Variants in FAM3C observed in about 807,000 individuals in gnomAD.
FAM3C encodes FAM3 metabolism regulating signaling molecule C, also known as protein FAM3C.
In FAM3C, 15 loss-of-function variants were observed where a neutral mutation model predicts 32.5. The ratio of observed to expected loss-of-function variants is 0.46; its 90% CI spans 0.31 to 0.71. FAM3C has a LOEUF of 0.71. FAM3C is among the 30% of genes least tolerant of loss of function. The pLI is 0.05. For synonymous variants in FAM3C, 75 were observed against 86.1 expected (o/e 0.87, Z 0.72); for missense variants, 175 against 274.4 (o/e 0.64, Z 2.56).
At chr7:121,371,537 G>T (rs1307634958) in intron 4 of FAM3C, 114 bp from the exon 5 acceptor site, 2 of 1,108,990 alleles carry the variant, frequency 1.8e-6, no homozygotes, top group Non-Finnish European at 2.6e-6. Flanking sequence ...CAAGATACAC[G>T]TATCTTAAAA....
intron 1 of FAM3C, among the ~76,000 whole-genome samples, chr7:121,384,932 T>C (rs552200464): frequency 3.3e-5 from 5 of 152,152 alleles, no homozygotes; most frequent in Non-Finnish European, 5.9e-5. Context: ...TTCTAAATCA[T>C]TCCTATTTGT....
chr7:121,362,392 A>C (rs1793942975), intron 7 of FAM3C, among the ~76,000 whole-genome samples: 1 of 152,160 alleles, frequency 6.6e-6, no homozygotes, highest in Non-Finnish European at 1.5e-5. Flanking sequence ...CAGAGGGTAG[A>C]ACTGTGATGA....
At chr7:121,388,767 G>A (rs1173837655) in intron 1 of FAM3C, among the ~76,000 whole-genome samples, 1 of 152,042 alleles carries the variant, frequency 6.6e-6, no homozygotes, top group East Asian at 1.9e-4. Flanking sequence ...ATGTGGCTAA[G>A]AAACAGAAAT....
intron 8 of FAM3C, among the ~76,000 whole-genome samples, chr7:121,356,986 G>A (rs962036278): frequency 2.0e-5 from 3 of 152,150 alleles, no homozygotes; most frequent in African/African-American, 7.2e-5. Flanking sequence ...AGGAAAAGAT[G>A]TTTCTTTAGG....
chr7:121,394,894 C>CT (rs1165630558), intron 1 of FAM3C, among the ~76,000 whole-genome samples: 1 of 152,202 alleles, frequency 6.6e-6, no homozygotes, highest in Non-Finnish European at 1.5e-5. Flanking sequence ...TGCTGGTACT[C>CT]TGTAAGATAC....
chr7:121,376,167 T>C (rs932593323), intron 3 of FAM3C, among the ~76,000 whole-genome samples: 5 of 152,138 alleles, frequency 3.3e-5, no homozygotes, highest in Non-Finnish European at 7.4e-5. Flanking sequence ...TAAAGTAAAA[T>C]CTCACTATAC....
intron 1 of FAM3C, among the ~76,000 whole-genome samples, chr7:121,389,308 TA>T (rs1794531262): frequency 6.6e-6 from 1 of 152,220 alleles, no homozygotes; most frequent in Non-Finnish European, 1.5e-5. Flanking sequence ...AGAAATCTGG[TA>T]TTTAGTGGAT....
chr7:121,376,583 G>A (rs142105267), intron 3 of FAM3C, among the ~76,000 whole-genome samples: 1 of 152,258 alleles, frequency 6.6e-6, no homozygotes, highest in African/African-American at 2.4e-5. Flanking sequence ...CCGAAAATCT[G>A]AAATCTAAAA....
At chr7:121,371,158 A>G (rs1262063967) in intron 5 of FAM3C, 142 bp downstream of exon 5, 2 of 1,026,414 alleles carry the variant, frequency 1.9e-6, no homozygotes, top group Non-Finnish European at 2.8e-6. Flanking sequence ...AATTCATGAG[A>G]AAAAAACTAC....
intron 3 of FAM3C, among the ~76,000 whole-genome samples, chr7:121,376,443 G>GC (rs1290194590): frequency 6.6e-6 from 1 of 152,152 alleles, no homozygotes; most frequent in African/African-American, 2.4e-5. Context: ...AGTACAAAAG[G>GC]CAGAATTCAG....
chr7:121,352,764 G>T (rs1352421953), intron 8 of FAM3C, among the ~76,000 whole-genome samples: 1 of 152,196 alleles, frequency 6.6e-6, no homozygotes, highest in Non-Finnish European at 1.5e-5. Flanking sequence ...AGAGGGAAAT[G>T]CCCCAAAATT....
At chr7:121,389,205 T>C (rs574242748) in intron 1 of FAM3C, among the ~76,000 whole-genome samples, 37 of 152,224 alleles carry the variant, frequency 2.4e-4, no homozygotes, top group Non-Finnish European at 5.0e-4. Flanking sequence ...ACATAAGTAT[T>C]CCAACATGAT....
At chr7:121,373,301 C>T in intron 3 of FAM3C, among the ~76,000 whole-genome samples, 1 of 152,164 alleles carries the variant, frequency 6.6e-6, no homozygotes, top group East Asian at 1.9e-4. Context: ...CTTTTCTTTC[C>T]AGAAGAAAGC....
intron 1 of FAM3C, among the ~76,000 whole-genome samples, chr7:121,394,128 T>C (rs1288627069): frequency 1.3e-5 from 2 of 152,270 alleles, no homozygotes; most frequent in Non-Finnish European, 2.9e-5. Flanking sequence ...CCATGATATC[T>C]ACAATTACTG....
intron 3 of FAM3C, among the ~76,000 whole-genome samples, chr7:121,373,885 G>A (rs1028518783): frequency 4.0e-5 from 6 of 151,594 alleles, no homozygotes; most frequent in East Asian, 1.9e-4. Context: ...AAAATTAGCC[G>A]GGCGTGGTGG....
At chr7:121,374,657 C>T (rs1584701083) in intron 3 of FAM3C, among the ~76,000 whole-genome samples, 1 of 152,214 alleles carries the variant, frequency 6.6e-6, no homozygotes, top group Admixed American at 6.5e-5. Context: ...AAAATAAAAC[C>T]ACACAATTAA....
At position 121,371,308 on chromosome 7, in the gene FAM3C, T is replaced by C; in HGVS notation, c.264A>G (p.Glu88=). The C allele has an allele frequency of 1.2e-6, 2 of 1,613,026 alleles. No individual in the cohort carries two copies. Among genetic ancestry groups the C allele is most frequent in the Non-Finnish European group, 8.5e-7 (1 of 1,179,842 alleles). The change falls in exon 5 of 10, where the codon GAA becomes GAG. Residue 88 remains glutamate, a synonymous_variant. Transcript: ENST00000359943. ...AGTCAACAAAGACTTACACATTATC[T>C]TCCAGGCAGATTTTGGGTCCCACCA... ...ANVVGPKICL[E]DNVLMSGVKN... is the part of the protein sequence containing the mutation.
Position 121,350,282 on chromosome 7 carries a change from T to C in FAM3C, c.*179A>G. 1.7e-6 allele frequency: 1 copy of C among 586,990 alleles called. No homozygotes were observed. The highest frequency in any genetic ancestry group is 3.0e-6 in the Non-Finnish European group (1 of 334,850). The allele number at this position is 586,990 out of a possible 1,614,324, so 36.4% of individuals were successfully genotyped here. ...TTCAGTGATTTGATCATTGTGATGA[T>C]TATTTACAATGCTATCTATTTACGT... On this transcript the variant is annotated 3_prime_UTR_variant, in exon 10 of 10. Coordinates refer to ENST00000359943, the MANE Select transcript of FAM3C (RefSeq NM_014888.3).
Position 121,350,060 on chromosome 7 carries a change from T to C in FAM3C, c.*401A>G, listed in dbSNP as rs551577326. The stretch of plus-strand genomic sequence containing the variant: ...GATAATGTCATCACAACGCAACATA[T>C]AGAAACATAAAAGAAAATAAAGTAT... On this transcript the variant is annotated 3_prime_UTR_variant, in exon 10 of 10. Coordinates refer to ENST00000359943, the MANE Select transcript of FAM3C (RefSeq NM_014888.3). 2 of 183,236 alleles carry C rather than the reference T, an allele frequency of 1.1e-5. No individual in the cohort carries two copies. The highest frequency in any genetic ancestry group is 2.2e-5 in the Non-Finnish European group (2 of 91,544). The allele number at this position is 183,236 out of a possible 1,614,324, so 11.4% of individuals were successfully genotyped here.
Sources: gnomAD v4.1 joint callset for allele counts (sites outside exome capture counted in the v4.1 genomes callset) on GRCh38, gnomAD v4.1.1 for gene constraint, MANE v1.5 for transcripts, NCBI Gene and HGNC (gene_info 2026-07-23, HGNC 2026-07-21) for gene names.